Variants in PLXDC2 observed in about 807,000 individuals in gnomAD.
The protein encoded by PLXDC2 is plexin domain containing 2.
A neutral mutation model predicts 68.9 loss-of-function variants in PLXDC2; 40 were observed. The ratio of observed to expected loss-of-function variants is 0.58; its 90% confidence interval spans 0.45 to 0.76. PLXDC2 has a LOEUF of 0.76. Ranked by LOEUF, PLXDC2 falls within the 30% of genes least tolerant of loss-of-function variation. The pLI, the probability that PLXDC2 is intolerant of heterozygous loss-of-function variation, is 0.00. For missense variants in PLXDC2, 644 were observed against 661.9 expected, an observed-to-expected ratio of 0.97 and a Z score of 0.30; for synonymous variants, 243 against 234.2, an observed-to-expected ratio of 1.04 and a Z score of -0.34.
intron 3 of PLXDC2, among the ~76,000 whole-genome samples, chr10:20,053,325 A>T (rs1221081114): frequency 1.3e-5 from 2 of 152,160 alleles, no homozygotes; most frequent in African/African-American, 4.8e-5. Flanking sequence ...TAAGTTTTGC[A>T]GTTGACAAAT....
chr10:19,931,072 GTGT>G (rs1833622999), intron 1 of PLXDC2, among the ~76,000 whole-genome samples: 1 of 152,252 alleles, frequency 6.6e-6, no homozygotes, highest in African/African-American at 2.4e-5. Flanking sequence ...AGAGCAGCCA[GTGT>G]TGTCTTCTGC....
chr10:20,231,736 C>A (rs1387310112), intron 12 of PLXDC2, among the ~76,000 whole-genome samples: 1 of 151,944 alleles, frequency 6.6e-6, no homozygotes, highest in Non-Finnish European at 1.5e-5. Context: ...AAGCCTGGAG[C>A]TGGGCACAGT....
chr10:19,956,680 G>T (rs1275841925), intron 1 of PLXDC2, among the ~76,000 whole-genome samples: 1 of 152,172 alleles, frequency 6.6e-6, no homozygotes. Context: ...GATCAATGAA[G>T]GCACAGACTG....
At chr10:19,847,383 A>G (rs1236048321) in intron 1 of PLXDC2, among the ~76,000 whole-genome samples, 3 of 152,212 alleles carry the variant, frequency 2.0e-5, no homozygotes, top group Admixed American at 6.5e-5. Flanking sequence ...TGGTTTGTGC[A>G]GGTCTGCAGA....
chr10:20,084,425 C>G lies in PLXDC2; in HGVS notation c.541+16186C>G, dbSNP rs377615834. Among the ~76,000 whole-genome samples, 21 of 152,160 alleles carry G rather than the reference C, an allele frequency of 1.4e-4. No individual in the cohort carries two copies. The East Asian group carries it at 2.7e-3, about 20-fold the overall frequency. ...TAGCAGGAAGGTGGTGTGAGAACAC[C>G]CAGTAACACCTCCCTGAAGCCACAG... is the stretch of plus-strand genomic sequence containing the variant. On this transcript the variant is annotated intron_variant, in intron 4 of 13. Coordinates refer to ENST00000377252, the MANE Select transcript of PLXDC2 (RefSeq NM_032812.9).
chr10:19,876,624 A>AAAAAAAG (rs1388231091), intron 1 of PLXDC2, among the ~76,000 whole-genome samples: 2 of 139,072 alleles, frequency 1.4e-5, no homozygotes, highest in East Asian at 2.2e-4. Context: ...AAAAAAAAAA[A>AAAAAAAG]AGAGAGAGAG....
intron 1 of PLXDC2, among the ~76,000 whole-genome samples, chr10:19,933,814 A>AAAGGAAGGAGGGAAGG (rs1422516926): frequency 1.5e-5 from 2 of 137,664 alleles, no homozygotes; most frequent in African/African-American, 2.6e-5. Context: ...GGGAGGGAAA[A>AAAGGAAGGAGGGAAGG]AAGGAAGGAG....
intron 10 of PLXDC2, among the ~76,000 whole-genome samples, chr10:20,216,152 A>C (rs10764214): frequency 0.66 from 100,644 of 151,998 alleles, 33,757 homozygotes; most frequent in East Asian, 0.93. Context: ...GCTTGAAGCT[A>C]CTGAAATGAG....
chr10:19,941,788 A>G (rs1208575118), intron 1 of PLXDC2, among the ~76,000 whole-genome samples: 2 of 152,022 alleles, frequency 1.3e-5, no homozygotes, highest in East Asian at 1.9e-4. Context: ...CCTTCACTTC[A>G]TACCTTTTGA....
intron 12 of PLXDC2, among the ~76,000 whole-genome samples, chr10:20,245,116 A>G (rs1385575847): frequency 6.6e-6 from 1 of 152,192 alleles, no homozygotes; most frequent in African/African-American, 2.4e-5. Flanking sequence ...TTCCATTTCA[A>G]AAAATAAAAA....
Position 19,935,687 on chromosome 10 carries a change from C to A in PLXDC2, c.113-66088C>A, listed in dbSNP as rs534593703. Among the ~76,000 whole-genome samples the A allele has an allele frequency of 2.6e-5, 4 of 152,330 alleles. No homozygotes were observed. The East Asian group carries it at 7.7e-4, about 29-fold the overall frequency. ...GACCTGCCTCCTATGTTTTAAAGTC[C>A]TGTTCACAATAATGACAATGAAGTG... is the stretch of plus-strand genomic sequence containing the variant. On this transcript the variant is annotated intron_variant, in intron 1 of 13. Transcript: ENST00000377252.
chr10:20,094,367 A>G (rs1230162448), intron 4 of PLXDC2, among the ~76,000 whole-genome samples: 2 of 152,206 alleles, frequency 1.3e-5, no homozygotes, highest in African/African-American at 4.8e-5. Flanking sequence ...CAACTCGCCT[A>G]AGGTCACACA....
chr10:19,999,867 C>T (rs1834904920), intron 1 of PLXDC2, among the ~76,000 whole-genome samples: 1 of 152,152 alleles, frequency 6.6e-6, no homozygotes, highest in Non-Finnish European at 1.5e-5. Flanking sequence ...AAGCTGTCTG[C>T]TTTTGCAGGC....
At chr10:19,941,081 C>G (rs1833811087) in intron 1 of PLXDC2, among the ~76,000 whole-genome samples, 1 of 152,138 alleles carries the variant, frequency 6.6e-6, no homozygotes, top group African/African-American at 2.4e-5. Flanking sequence ...AATTCTTCAT[C>G]CCTAGTGGAA....
At chr10:19,943,269 G>C (rs1315695513) in intron 1 of PLXDC2, among the ~76,000 whole-genome samples, 2 of 116,376 alleles carry the variant, frequency 1.7e-5, no homozygotes. Context: ...TAAGTGTTCT[G>C]TAACATTAGG....
At chr10:20,125,097 A>G (rs1296830908) in intron 4 of PLXDC2, among the ~76,000 whole-genome samples, 2 of 151,864 alleles carry the variant, frequency 1.3e-5, no homozygotes, top group Non-Finnish European at 2.9e-5. Flanking sequence ...TTTAACAGCT[A>G]CCTCCCCCAG....
At chr10:20,084,503 G>T (rs1323777477) in intron 4 of PLXDC2, among the ~76,000 whole-genome samples, 1 of 152,080 alleles carries the variant, frequency 6.6e-6, no homozygotes, top group Non-Finnish European at 1.5e-5. Context: ...AGGGTAGTGG[G>T]ATGAGAAGAC....
chr10:20,045,917 C>G (rs78024394), intron 2 of PLXDC2, among the ~76,000 whole-genome samples: 2,702 of 152,116 alleles, frequency 0.018, 76 homozygotes, highest in African/African-American at 0.061. Context: ...TATTTCTCAT[C>G]AAAATTGCCT....
chr10:19,960,676 C>T (rs1167976900), intron 1 of PLXDC2, among the ~76,000 whole-genome samples: 1 of 152,168 alleles, frequency 6.6e-6, no homozygotes, highest in Non-Finnish European at 1.5e-5. Context: ...ATTAAAATAT[C>T]TTTCCAAGCA....
Sources: gnomAD v4.1 joint callset for allele counts (sites outside exome capture counted in the v4.1 genomes callset) on GRCh38, gnomAD v4.1.1 for gene constraint, MANE v1.5 for transcripts, NCBI Gene and HGNC (gene_info 2026-07-23, HGNC 2026-07-21) for gene names.